Variants in PHLPP2 observed in about 807,000 individuals in gnomAD.
The protein encoded by PHLPP2 is PH domain and leucine rich repeat protein phosphatase 2.
In PHLPP2, 66 loss-of-function variants were observed where a neutral mutation model predicts 124.9. The ratio of observed to expected loss-of-function variants is 0.53; its 90% CI spans 0.43 to 0.65. The LOEUF is 0.65. Ranked by LOEUF, PHLPP2 falls within the 30% of genes least tolerant of loss-of-function variation. The probability of loss-of-function intolerance (pLI) is 0.00; values close to 1 mark genes in which losing one functional copy is unlikely to be tolerated. For missense variants in PHLPP2, 1,685 were observed against 1,600.4 expected (o/e 1.05, Z -0.90); for synonymous variants, 681 against 624.7 (o/e 1.09, Z -1.34).
At chr16:71,696,383 T>A (rs2045170914) in intron 3 of PHLPP2, among the ~76,000 whole-genome samples, 1 of 152,152 alleles carries the variant, frequency 6.6e-6, no homozygotes. Context: ...ACGCCTGCAA[T>A]CCTAGCACTT....
At chr16:71,687,334 A>T (rs1383853784) in intron 4 of PHLPP2, among the ~76,000 whole-genome samples, 1 of 152,200 alleles carries the variant, frequency 6.6e-6, no homozygotes, top group Non-Finnish European at 1.5e-5. Flanking sequence ...ATAAACTTTC[A>T]TATAAATGTC....
intron 16 of PHLPP2, 128 bp downstream of exon 16, chr16:71,656,443 G>A (rs1042639129): frequency 2.3e-5 from 14 of 599,654 alleles, no homozygotes; most frequent in African/African-American, 1.5e-4. Flanking sequence ...CTTATCTGAC[G>A]CTGATGTTCT....
intron 1 of PHLPP2, among the ~76,000 whole-genome samples, chr16:71,719,253 A>G (rs1234808435): frequency 6.6e-6 from 1 of 152,204 alleles, no homozygotes; most frequent in Non-Finnish European, 1.5e-5. Context: ...AGATCTTTCT[A>G]GCCGGGCGCA....
chr16:71,655,503 CTTTTT>C (rs1224203746), intron 16 of PHLPP2, 69 bp from the exon 17 acceptor site: 372 of 794,404 alleles, frequency 4.7e-4, no homozygotes, highest in Middle Eastern at 1.0e-3. Flanking sequence ...AGGGAGCATT[CTTTTT>C]TTTTTTTTTT....
intron 8 of PHLPP2, 92 bp downstream of exon 8, chr16:71,678,663 A>G (rs532497916): frequency 2.4e-5 from 18 of 750,570 alleles, no homozygotes; most frequent in African/African-American, 2.3e-4. Context: ...AATTTTAAAA[A>G]CCCTAATGTT....
chr16:71,691,297 A>G (rs951617743), intron 3 of PHLPP2, among the ~76,000 whole-genome samples: 7 of 151,948 alleles, frequency 4.6e-5, no homozygotes, highest in African/African-American at 1.5e-4. Flanking sequence ...TACTAAAAAT[A>G]CAAAAACAAA....
chr16:71,645,053 T>G lies in PHLPP2; in HGVS notation c.*3837A>C, dbSNP rs1211355188. On this transcript the variant is annotated 3_prime_UTR_variant, in exon 19 of 19. Transcript: ENST00000568954. ...ATTGAATTAAAAAATTTAACACATT[T>G]CAAAAATATCAAAAATACACTATAA... The G allele has an allele frequency of 1.5e-5, 4 of 273,802 alleles. No homozygotes were observed. The highest frequency in any genetic ancestry group is 2.9e-5 in the Non-Finnish European group (4 of 139,546). The allele number at this position is 273,802 out of a possible 1,614,324, so 17.0% of individuals were successfully genotyped here. A position where few individuals can be genotyped will look rare whatever the true frequency, so the allele number is the denominator to read the frequency against.
intron 13 of PHLPP2, among the ~76,000 whole-genome samples, chr16:71,662,618 T>C (rs1429568197): frequency 1.3e-5 from 2 of 152,196 alleles, no homozygotes; most frequent in Non-Finnish European, 2.9e-5. Context: ...TACATACATA[T>C]AATTTCATCC....
At chr16:71,668,275 G>A (rs2044856809) in intron 11 of PHLPP2, among the ~76,000 whole-genome samples, 1 of 151,846 alleles carries the variant, frequency 6.6e-6, no homozygotes, top group African/African-American at 2.4e-5. Context: ...ATTTAGCCGG[G>A]CGTGGCAGCA....
chr16:71,646,933 T>A lies in PHLPP2; in HGVS notation c.*1957A>T, dbSNP rs890872370. 3 of 152,390 alleles carry A rather than the reference T, an allele frequency of 2.0e-5. No homozygotes were observed. Among genetic ancestry groups the A allele is most frequent in the East Asian group, 1.9e-4 (1 of 5,172 alleles). 9.4% of individuals were successfully genotyped at this position (152,390 alleles called of 1,614,324 possible). On this transcript the variant is annotated 3_prime_UTR_variant, in exon 19 of 19. Coordinates refer to ENST00000568954, the MANE Select transcript of PHLPP2 (RefSeq NM_015020.3). ...TAGAGTGTACCAAATCCCCCAAGAG[T>A]GTATCCCAATGACACGTGCATATGA...
At chr16:71,702,319 G>A (rs2045239982) in intron 3 of PHLPP2, among the ~76,000 whole-genome samples, 1 of 152,130 alleles carries the variant, frequency 6.6e-6, no homozygotes, top group African/African-American at 2.4e-5. Flanking sequence ...ACTAAAGCAT[G>A]ATCCAGTCAA....
intron 2 of PHLPP2, among the ~76,000 whole-genome samples, chr16:71,711,061 G>A (rs892900018): frequency 6.6e-6 from 1 of 152,200 alleles, no homozygotes; most frequent in African/African-American, 2.4e-5. Context: ...CGGGCACGGT[G>A]GCTCATGCCT....
In PHLPP2 at chr16:71,695,185, A is replaced by G. The variant is rs1399836483; in HGVS notation, c.419-4476T>C. 2.6e-5 allele frequency among the ~76,000 whole-genome samples: 4 copies of G among 152,198 alleles called. No homozygotes were observed. In the East Asian group the frequency reaches 7.7e-4, roughly 29 times the overall value. On this transcript the variant is annotated intron_variant, in intron 3 of 18. Coordinates refer to ENST00000568954, the MANE Select transcript of PHLPP2 (RefSeq NM_015020.3). Reference sequence around the variant, plus strand: ...TACTCTGTTATACTGACAGGATATAAAAGTGTTCTGCAGTAGTAACTATTA... The same window carrying G: ...TACTCTGTTATACTGACAGGATATAGAAGTGTTCTGCAGTAGTAACTATTA...
intron 16 of PHLPP2, 52 bp from the exon 17 acceptor site, chr16:71,655,486 A>T: frequency 8.0e-6 from 10 of 1,247,684 alleles, no homozygotes; most frequent in South Asian, 1.3e-5. Context: ...GTAAAATATT[A>T]TTCTCCAGGG....
chr16:71,655,485 T>TA, intron 16 of PHLPP2, 51 bp from the exon 17 acceptor site: 1 of 1,384,664 alleles, frequency 7.2e-7, no homozygotes, highest in African/African-American at 1.5e-5. Context: ...GGTAAAATAT[T>TA]ATTCTCCAGG....
intron 17 of PHLPP2, among the ~76,000 whole-genome samples, chr16:71,654,497 T>G (rs1442541497): frequency 1.3e-5 from 2 of 152,238 alleles, no homozygotes; most frequent in Admixed American, 1.3e-4. Flanking sequence ...CGATGTTCTC[T>G]CATGATGCTG....
intron 9 of PHLPP2, among the ~76,000 whole-genome samples, 190 bp downstream of exon 9, chr16:71,676,257 T>C (rs2044944244): frequency 6.6e-6 from 1 of 152,128 alleles, no homozygotes; most frequent in Non-Finnish European, 1.5e-5. Context: ...CAAAGTATCC[T>C]GCCATGTCTT....
At position 71,686,785 on chromosome 16, in the gene PHLPP2, G is replaced by A. The variant is rs193115690; in HGVS notation, c.610-2184C>T. Among the ~76,000 whole-genome samples, 393 of 133,034 alleles carry A rather than the reference G, an allele frequency of 3.0e-3. 5 individuals are homozygous for A. Among genetic ancestry groups the A allele is most frequent in the Admixed American group, 0.027 (358 of 13,456 alleles). 87.3% of individuals were successfully genotyped at this position (133,034 alleles called of 152,430 possible). A position where few individuals can be genotyped will look rare whatever the true frequency, so the allele number is the denominator to read the frequency against. On this transcript the variant is annotated intron_variant, in intron 4 of 18. Transcript: ENST00000568954. ...CAGTTCTTTCCCTTTTTTTTTTTTC[G>A]CTTAGCAGTATTTCCTGGTATAGAT...
At chr16:71,683,285 T>C (rs1479908901) in intron 5 of PHLPP2, among the ~76,000 whole-genome samples, 1 of 152,146 alleles carries the variant, frequency 6.6e-6, no homozygotes, top group Non-Finnish European at 1.5e-5. Context: ...AATTTGGAAA[T>C]CACAATACAC....
Sources: gnomAD v4.1 joint callset for allele counts (sites outside exome capture counted in the v4.1 genomes callset) on GRCh38, gnomAD v4.1.1 for gene constraint, MANE v1.5 for transcripts, NCBI Gene and HGNC (gene_info 2026-07-23, HGNC 2026-07-21) for gene names.